The following NEK11 variants were observed in gnomAD, a reference collection of about 807,000 sequenced individuals.
NEK11 encodes serine/threonine-protein kinase Nek11.
In NEK11, 72 loss-of-function variants were observed where a neutral mutation model predicts 80.7. The ratio of observed to expected loss-of-function variants is 0.89; its 90% CI spans 0.74 to 1.08. The LOEUF (loss-of-function observed/expected upper bound fraction) is 1.08. Among genes scored for constraint, NEK11 ranks in the 50% least tolerant of loss-of-function variants. The pLI is 0.00. For synonymous variants in NEK11, 251 were observed against 260.7 expected (o/e 0.96, Z 0.36); for missense variants, 764 against 763.6 (o/e 1.00, Z -0.01).
At chr3:131,228,195 T>G (rs1440308047) in intron 14 of NEK11, among the ~76,000 whole-genome samples, 2 of 152,208 alleles carry the variant, frequency 1.3e-5, no homozygotes, top group Non-Finnish European at 2.9e-5. Flanking sequence ...TTGTCCTACC[T>G]TTGCCCCTAA....
intron 17 of NEK11, among the ~76,000 whole-genome samples, chr3:131,337,332 G>C (rs1394955024): frequency 1.3e-5 from 2 of 152,008 alleles, no homozygotes; most frequent in East Asian, 3.9e-4. Flanking sequence ...GGATGAAATT[G>C]GAAATCATCA....
intron 14 of NEK11, among the ~76,000 whole-genome samples, chr3:131,216,781 T>C (rs961902762): frequency 6.6e-6 from 1 of 152,234 alleles, no homozygotes; most frequent in Admixed American, 6.5e-5. Flanking sequence ...AACATTGGTT[T>C]GAAACATTTC....
At chr3:131,272,822 A>C (rs1244793774) in intron 16 of NEK11, among the ~76,000 whole-genome samples, 1 of 152,068 alleles carries the variant, frequency 6.6e-6, no homozygotes, top group Non-Finnish European at 1.5e-5. Context: ...AGTTGATGGA[A>C]TATTTCTTTC....
chr3:131,245,498 G>A (rs1264953733), intron 16 of NEK11, among the ~76,000 whole-genome samples: 1 of 152,024 alleles, frequency 6.6e-6, no homozygotes, highest in Non-Finnish European at 1.5e-5. Flanking sequence ...TTGAATGGTA[G>A]TTCTTTGAGC....
intron 4 of NEK11, among the ~76,000 whole-genome samples, chr3:131,093,557 C>T (rs1056718385): frequency 3.3e-5 from 5 of 152,114 alleles, no homozygotes; most frequent in Non-Finnish European, 7.4e-5. Flanking sequence ...GCTAGGATTA[C>T]AGGCGTGTGC....
chr3:131,327,792 A>C (rs1161457715), intron 17 of NEK11: 1 of 149,470 alleles, frequency 6.7e-6, no homozygotes, highest in African/African-American at 2.5e-5. Flanking sequence ...CTTTTCTGAC[A>C]CCCACCTTCT....
chr3:131,106,166 T>C (rs1308131873), intron 4 of NEK11, among the ~76,000 whole-genome samples: 2 of 152,138 alleles, frequency 1.3e-5, no homozygotes, highest in Admixed American at 1.3e-4. Flanking sequence ...GCATGTACTT[T>C]TTTATAATAC....
chr3:131,160,437 A>G (rs748298770), intron 10 of NEK11, among the ~76,000 whole-genome samples: 4 of 152,222 alleles, frequency 2.6e-5, no homozygotes, highest in Non-Finnish European at 5.9e-5. Flanking sequence ...AGCACTAAAT[A>G]TAGAAAGGAA....
intron 14 of NEK11, among the ~76,000 whole-genome samples, chr3:131,180,088 T>C (rs542175294): frequency 3.9e-5 from 6 of 152,160 alleles, no homozygotes; most frequent in Non-Finnish European, 8.8e-5. Context: ...ATCTCAGCAT[T>C]TGGCTTTCAA....
rs116673522 is a variant in NEK11, at chr3:131,228,303, G to T, written c.1400-225G>T. 0.044 allele frequency among the ~76,000 whole-genome samples: 6,756 copies of T among 152,018 alleles called. 239 individuals carry two copies. Among genetic ancestry groups the T allele is most frequent in the Non-Finnish European group, 0.066 (4,516 of 67,952 alleles). ...AATGATTTTTTTCTTACCTTCAAAC[G>T]GTAGTTGCTAATGGAAATGTTCCTC... On this transcript the variant is annotated intron_variant, in intron 14 of 17. Transcript: ENST00000383366.
chr3:131,262,287 G>A (rs1174540384), intron 16 of NEK11, among the ~76,000 whole-genome samples: 1 of 152,164 alleles, frequency 6.6e-6, no homozygotes, highest in Non-Finnish European at 1.5e-5. Context: ...TTGGGAGGCT[G>A]AGGTGGGAGA....
At chr3:131,049,020 A>G (rs533228291) in intron 3 of NEK11, among the ~76,000 whole-genome samples, 1 of 152,320 alleles carries the variant, frequency 6.6e-6, no homozygotes, top group East Asian at 1.9e-4. Flanking sequence ...CTTGGTGTCC[A>G]TTTTGACTTC....
chr3:131,138,078 C>T (rs548835866), intron 7 of NEK11, among the ~76,000 whole-genome samples: 11 of 152,326 alleles, frequency 7.2e-5, no homozygotes, highest in Non-Finnish European at 1.6e-4. Context: ...AGCTCAGCCA[C>T]AGTGGTGTAG....
intron 17 of NEK11, among the ~76,000 whole-genome samples, chr3:131,287,427 C>T (rs2096486956): frequency 6.6e-6 from 1 of 152,146 alleles, no homozygotes; most frequent in Admixed American, 6.5e-5. Flanking sequence ...GCATGCGCCA[C>T]CACGCCTGGC....
chr3:131,102,331 A>G (rs1351992712), intron 4 of NEK11, among the ~76,000 whole-genome samples: 3 of 152,128 alleles, frequency 2.0e-5, no homozygotes, highest in Admixed American at 6.6e-5. Flanking sequence ...TCAATTCCAC[A>G]TTTAGCACTC....
chr3:131,245,713 T>A (rs2095590996), intron 16 of NEK11, among the ~76,000 whole-genome samples: 2 of 152,152 alleles, frequency 1.3e-5, no homozygotes, highest in South Asian at 4.1e-4. Context: ...CATTTTTTCA[T>A]ATGTCTTTTG....
intron 7 of NEK11, 59 bp from the exon 8 acceptor site, chr3:131,152,328 AT>A: frequency 1.4e-6 from 2 of 1,475,602 alleles, no homozygotes; most frequent in South Asian, 1.4e-5. Context: ...GTTTTGTATG[AT>A]GAAAAAATTT....
intron 10 of NEK11, among the ~76,000 whole-genome samples, chr3:131,161,083 T>C (rs148130949): frequency 0.01 from 1,511 of 145,930 alleles, 26 homozygotes; most frequent in African/African-American, 0.036. Context: ...CTCAGGAGGC[T>C]GAGGTTGGAG....
chr3:131,134,449 G>A (rs930769855), intron 7 of NEK11, among the ~76,000 whole-genome samples: 1 of 151,274 alleles, frequency 6.6e-6, no homozygotes, highest in African/African-American at 2.4e-5. Context: ...TGCCCAGGCT[G>A]GAGTGCAGTG....
Sources: allele counts gnomAD v4.1 joint callset (sites outside exome capture counted in the v4.1 genomes callset), GRCh38; gene constraint gnomAD v4.1.1; transcripts MANE v1.5; gene names NCBI Gene and HGNC (gene_info 2026-07-23, HGNC 2026-07-21).